Variants in MAP3K7 observed in about 807,000 individuals in gnomAD.
MAP3K7 encodes the protein TGF-beta activated kinase 1.
A neutral mutation model predicts 84.8 loss-of-function variants in MAP3K7; 21 were observed. The ratio of observed to expected loss-of-function variants is 0.25; its 90% CI spans 0.18 to 0.36. The LOEUF (loss-of-function observed/expected upper bound fraction) is 0.36. Among genes scored for constraint, MAP3K7 ranks in the 10% least tolerant of loss-of-function variants. MAP3K7 has a pLI of 1.00. For synonymous variants in MAP3K7, 241 were observed against 247.7 expected (o/e 0.97, Z 0.25); for missense variants, 503 against 747.7 (o/e 0.67, Z 3.82).
At chr6:90,569,367 C>T (rs1776823855) in intron 2 of MAP3K7, among the ~76,000 whole-genome samples, 1 of 152,160 alleles carries the variant, frequency 6.6e-6, no homozygotes, top group Non-Finnish European at 1.5e-5. Flanking sequence ...TCATTATAGC[C>T]TACTAGCTGG....
rs1775584520 is a variant in MAP3K7, at chr6:90,533,895, A to T, written c.1356+2442T>A. Reference sequence around the variant, plus strand: ...CTTTTCAAAGCTTCTAGGAAGTCACATCTATTGAGTGTTTAAAAAGCTTCC... The same window carrying T: ...CTTTTCAAAGCTTCTAGGAAGTCACTTCTATTGAGTGTTTAAAAAGCTTCC... On this transcript the variant is annotated intron_variant, in intron 13 of 16. Coordinates refer to ENST00000369329, the MANE Select transcript of MAP3K7 (RefSeq NM_145331.3). Among the ~76,000 whole-genome samples the T allele has an allele frequency of 1.1e-4, 17 of 152,282 alleles. No homozygotes were observed. In the South Asian group the frequency reaches 3.3e-3, roughly 30 times the overall value.
In MAP3K7 at chr6:90,539,164, T is replaced by C. The variant is rs367685310; in HGVS notation, c.1292-2763A>G. On this transcript the variant is annotated intron_variant, in intron 12 of 16. Coordinates refer to ENST00000369329, the MANE Select transcript of MAP3K7 (RefSeq NM_145331.3). The stretch of plus-strand genomic sequence containing the variant: ...TAGGCTGCCAAAGTTTCGTATTTCT[T>C]TACTAATTTTAACAAATTCTGGCTC... Among the ~76,000 whole-genome samples the C allele has an allele frequency of 4.8e-3, 723 of 152,068 alleles. 7 individuals are homozygous for C. The highest frequency in any genetic ancestry group is 0.016 in the African/African-American group (683 of 41,556).
intron 11 of MAP3K7, among the ~76,000 whole-genome samples, chr6:90,546,135 C>G (rs1216654248): frequency 6.6e-6 from 1 of 152,142 alleles, no homozygotes; most frequent in African/African-American, 2.4e-5. Context: ...GTTATAGACA[C>G]TGTTATTTCG....
chr6:90,544,433 G>T, intron 12 of MAP3K7, 119 bp downstream of exon 12: 2 of 806,852 alleles, frequency 2.5e-6, no homozygotes, highest in Non-Finnish European at 2.1e-6. Context: ...CCTAATTACT[G>T]CATGCAAGGT....
chr6:90,569,842 TCTC>T (rs1219912423), intron 2 of MAP3K7, among the ~76,000 whole-genome samples: 1 of 152,026 alleles, frequency 6.6e-6, no homozygotes, highest in East Asian at 1.9e-4. Context: ...TTTTCTCCCT[TCTC>T]CTCTCTTTTC....
intron 12 of MAP3K7, among the ~76,000 whole-genome samples, chr6:90,539,716 T>C (rs530381619): frequency 1.3e-5 from 2 of 151,962 alleles, no homozygotes; most frequent in Admixed American, 6.6e-5. Context: ...TCAGGTGTCC[T>C]TGAAAAGCAT....
At chr6:90,518,755 C>T (rs1048357330) in intron 15 of MAP3K7, among the ~76,000 whole-genome samples, 193 bp from the exon 16 acceptor site, 3 of 151,752 alleles carry the variant, frequency 2.0e-5, no homozygotes, top group Non-Finnish European at 4.4e-5. Flanking sequence ...TAAATCTATT[C>T]TTGCTGTTTT....
In MAP3K7 at chr6:90,546,660, C is replaced by CAGTT. The variant is rs1204311360; in HGVS notation, c.1210+594_1210+597dup. On this transcript the variant is annotated intron_variant, in intron 11 of 16. Transcript: ENST00000369329. ...AACATGTAATTGTTTTTGTGCTGACCAGTTCTTCCATGATTAATAATTTTA... is the reference window on the plus strand; with the variant it reads ...AACATGTAATTGTTTTTGTGCTGACCAGTTAGTTCTTCCATGATTAATAATTTTA... Among the ~76,000 whole-genome samples, 16 of 152,174 alleles carry CAGTT rather than the reference C, an allele frequency of 1.1e-4. No homozygotes were observed. In the East Asian group the frequency reaches 3.1e-3, roughly 29 times the overall value.
intron 1 of MAP3K7, among the ~76,000 whole-genome samples, chr6:90,583,922 T>C (rs960059922): frequency 6.6e-6 from 1 of 152,216 alleles, no homozygotes; most frequent in Non-Finnish European, 1.5e-5. Context: ...TTTGACTGAA[T>C]TGAATTGAAT....
At chr6:90,517,109 G>A (rs1465467932) in intron 16 of MAP3K7, among the ~76,000 whole-genome samples, 1 of 151,770 alleles carries the variant, frequency 6.6e-6, no homozygotes, top group Non-Finnish European at 1.5e-5. Context: ...GCAGAGAGTG[G>A]TAAGCTAATA....
intron 5 of MAP3K7, among the ~76,000 whole-genome samples, chr6:90,558,863 G>A (rs1776418675): frequency 6.6e-6 from 1 of 152,176 alleles, no homozygotes; most frequent in African/African-American, 2.4e-5. Flanking sequence ...TTTGGGTGTT[G>A]CATCAGATGC....
At chr6:90,523,621 A>G in intron 14 of MAP3K7, 57 bp downstream of exon 14, 2 of 1,167,190 alleles carry the variant, frequency 1.7e-6, no homozygotes, top group Non-Finnish European at 2.6e-6. Flanking sequence ...GACATGGCCA[A>G]ATGAATATAA....
At chr6:90,540,451 G>C (rs1176272105) in intron 12 of MAP3K7, among the ~76,000 whole-genome samples, 1 of 151,798 alleles carries the variant, frequency 6.6e-6, no homozygotes, top group Non-Finnish European at 1.5e-5. Flanking sequence ...AAAAATGTCT[G>C]TAATTTAGAA....
rs182416687 is a variant in MAP3K7, at chr6:90,514,565, T to C, written c.*1936A>G. 1.8e-4 allele frequency: 27 copies of C among 152,106 alleles called. No individual in the cohort carries two copies. In the East Asian group the frequency reaches 4.2e-3, roughly 24 times the overall value. 9.4% of individuals were successfully genotyped at this position (152,106 alleles called of 1,614,324 possible). On this transcript the variant is annotated 3_prime_UTR_variant, in exon 17 of 17. Transcript: ENST00000369329. ...AATAAAATTTCCCTTAAATGTGTTA[T>C]AATACAGCAAAACACATCAATGACT...
intron 13 of MAP3K7, among the ~76,000 whole-genome samples, chr6:90,527,644 G>C (rs1013886745): frequency 6.6e-6 from 1 of 152,088 alleles, no homozygotes; most frequent in African/African-American, 2.4e-5. Context: ...TGGCACTGAG[G>C]GTTGGTGGGG....
At chr6:90,545,677 C>T (rs770509709) in intron 11 of MAP3K7, among the ~76,000 whole-genome samples, 1 of 152,138 alleles carries the variant, frequency 6.6e-6, no homozygotes, top group Non-Finnish European at 1.5e-5. Context: ...TTGATAGTTT[C>T]TGAAGACCCA....
intron 1 of MAP3K7, among the ~76,000 whole-genome samples, chr6:90,585,959 C>T (rs1173745596): frequency 2.0e-5 from 3 of 152,166 alleles, no homozygotes; most frequent in Non-Finnish European, 4.4e-5. Context: ...CCATTCGGTG[C>T]TAAGGGAAAC....
chr6:90,524,129 A>T (rs147749979), intron 13 of MAP3K7, among the ~76,000 whole-genome samples: 8 of 152,274 alleles, frequency 5.3e-5, no homozygotes, highest in Admixed American at 1.3e-4. Flanking sequence ...AGAGGAATGG[A>T]CCATAAAGCC....
At chr6:90,539,734 T>C (rs114313672) in intron 12 of MAP3K7, among the ~76,000 whole-genome samples, 1 of 151,950 alleles carries the variant, frequency 6.6e-6, no homozygotes, top group African/African-American at 2.4e-5. Flanking sequence ...CATCTCTGCT[T>C]CCAGTTGTTT....
Sources: gnomAD v4.1 joint callset for allele counts (sites outside exome capture counted in the v4.1 genomes callset) on GRCh38, gnomAD v4.1.1 for gene constraint, MANE v1.5 for transcripts, NCBI Gene and HGNC (gene_info 2026-07-23, HGNC 2026-07-21) for gene names.